Variants in YTHDF3 observed in about 807,000 individuals in gnomAD.
YTHDF3 encodes YTH domain-containing family protein 3.
A neutral mutation model predicts 52.5 loss-of-function variants in YTHDF3; 9 were observed. That is an observed-to-expected ratio of 0.17 (90% CI 0.10 to 0.30). The LOEUF is 0.30. Among genes scored for constraint, YTHDF3 ranks in the 10% least tolerant of loss-of-function variants. The pLI is 1.00. For missense variants in YTHDF3, 534 were observed against 715.0 expected, an observed-to-expected ratio of 0.75 and a Z score of 2.89; for synonymous variants, 274 against 243.3, an observed-to-expected ratio of 1.13 and a Z score of -1.18.
At chr8:63,172,413 G>A (rs1807390075) in intron 2 of YTHDF3, among the ~76,000 whole-genome samples, 1 of 152,104 alleles carries the variant, frequency 6.6e-6, no homozygotes, top group Admixed American at 6.5e-5. Context: ...AGAGACGTAT[G>A]CATTGTTTTA....
intron 4 of YTHDF3, among the ~76,000 whole-genome samples, 191 bp downstream of exon 4, chr8:63,187,936 AC>A (rs1436631676): frequency 1.3e-5 from 2 of 152,158 alleles, no homozygotes; most frequent in African/African-American, 4.8e-5. Context: ...AGGGTAACTC[AC>A]GCTGAGTTAG....
chr8:63,198,923 TG>T (rs1332279717), intron 4 of YTHDF3, among the ~76,000 whole-genome samples: 3 of 152,202 alleles, frequency 2.0e-5, no homozygotes, highest in Non-Finnish European at 2.9e-5. Context: ...GGGCCCAGTA[TG>T]TAACACATTT....
intron 3 of YTHDF3, among the ~76,000 whole-genome samples, chr8:63,179,877 C>G (rs62510127): frequency 2.2e-5 from 3 of 136,640 alleles, no homozygotes; most frequent in Admixed American, 7.1e-5. Flanking sequence ...CCGGATGGGG[C>G]GGCCGGCCAG....
chr8:63,194,152 A>G (rs1445220325), intron 4 of YTHDF3, among the ~76,000 whole-genome samples: 2 of 152,186 alleles, frequency 1.3e-5, no homozygotes, highest in Non-Finnish European at 2.9e-5. Flanking sequence ...AAGTATTGGT[A>G]ACTATACTTT....
intron 4 of YTHDF3, among the ~76,000 whole-genome samples, chr8:63,191,471 A>C (rs559773597): frequency 3.0e-4 from 46 of 152,118 alleles, no homozygotes; most frequent in Non-Finnish European, 5.3e-4. Context: ...TCCCCCTCTT[A>C]ACTCTGTTTT....
chr8:63,169,012 C>A (rs1477831382), intron 1 of YTHDF3, 111 bp downstream of exon 1: 2 of 1,476,368 alleles, frequency 1.4e-6, no homozygotes, highest in Non-Finnish European at 1.8e-6. Context: ...CATAACGGTG[C>A]CCCGGGCGCA....
At chr8:63,171,452 G>A (rs1220729696) in intron 2 of YTHDF3, among the ~76,000 whole-genome samples, 9 of 152,112 alleles carry the variant, frequency 5.9e-5, no homozygotes. Context: ...GCCTTGGCAG[G>A]AGGGGAAAAA....
chr8:63,175,405 CAGACA>C lies in YTHDF3; in HGVS notation c.126_130del (p.Thr43SerfsTer3). ...TGATTTTGAGCCATACTTAAGTAGC[CAGACA>C]AATCAGGTAAGTCTTCTGACAGTTT... On this transcript the variant is annotated frameshift_variant, in exon 3 of 5. Coordinates refer to ENST00000539294, the MANE Select transcript of YTHDF3 (RefSeq NM_152758.6). LOFTEE classifies it high-confidence loss of function. 6.2e-7 allele frequency: 1 copy of C among 1,610,842 alleles called. No homozygotes were observed. The highest frequency in any genetic ancestry group is 8.5e-7 in the Non-Finnish European group (1 of 1,178,088).
At chr8:63,184,669 CAA>C (rs1469799283) in intron 3 of YTHDF3, among the ~76,000 whole-genome samples, 5 of 152,158 alleles carry the variant, frequency 3.3e-5, no homozygotes, top group African/African-American at 9.7e-5. Context: ...GAAATAGTGA[CAA>C]GAGTGAAATA....
intron 4 of YTHDF3, among the ~76,000 whole-genome samples, chr8:63,201,127 A>G (rs1809613348): frequency 6.6e-6 from 1 of 152,366 alleles, no homozygotes; most frequent in South Asian, 2.1e-4. Context: ...AGGAAGTTAC[A>G]TACAAATTAG....
chr8:63,204,522 G>A (rs1809867409), intron 4 of YTHDF3, among the ~76,000 whole-genome samples: 1 of 151,858 alleles, frequency 6.6e-6, no homozygotes. Context: ...CCGCCACACC[G>A]AGCTAATTTT....
At position 63,212,654 on chromosome 8, in the gene YTHDF3, A is replaced by G. The variant is rs1468337670; in HGVS notation, c.*2948A>G. On this transcript the variant is annotated 3_prime_UTR_variant, in exon 5 of 5. Transcript: ENST00000539294. ...CTTGTAGCAATTACATGAGAATTTGAATTTTGTCGTGTTTGGGTTTGTTCA... is the reference window on the plus strand; with the variant it reads ...CTTGTAGCAATTACATGAGAATTTGGATTTTGTCGTGTTTGGGTTTGTTCA... 6.6e-6 allele frequency: 1 copy of G among 152,560 alleles called. No individual in the cohort carries two copies. The highest frequency in any genetic ancestry group is 1.5e-5 in the Non-Finnish European group (1 of 68,022). The allele number at this position is 152,560 out of a possible 1,614,324, so 9.5% of individuals were successfully genotyped here. A position where few individuals can be genotyped will look rare whatever the true frequency, so the allele number is the denominator to read the frequency against.
At position 63,186,728 on chromosome 8, in the gene YTHDF3, T is replaced by G; in HGVS notation, c.717T>G (p.Ala239=). The G allele has an allele frequency of 1.2e-6, 2 of 1,613,988 alleles. No individual in the cohort carries two copies. The highest frequency in any genetic ancestry group is 1.1e-5 in the South Asian group (1 of 91,076). The change falls in exon 4 of 5, where the codon GCT becomes GCG. Residue 239 remains alanine, a synonymous_variant. Coordinates refer to ENST00000539294, the MANE Select transcript of YTHDF3 (RefSeq NM_152758.6). ...SSAAPKPTSW[A]AIARKPAKPQ... is the part of the protein sequence containing the mutation. ...CAGCACCTAAACCAACCTCCTGGGCTGCCATTGCCAGAAAGCCTGCCAAAC... is the reference window on the plus strand; with the variant it reads ...CAGCACCTAAACCAACCTCCTGGGCGGCCATTGCCAGAAAGCCTGCCAAAC...
chr8:63,176,103 G>C (rs183304231), intron 3 of YTHDF3, among the ~76,000 whole-genome samples: 1 of 152,114 alleles, frequency 6.6e-6, no homozygotes, highest in Non-Finnish European at 1.5e-5. Flanking sequence ...TGCCATTTCT[G>C]CATCCATTTC....
intron 4 of YTHDF3, among the ~76,000 whole-genome samples, chr8:63,192,787 T>A (rs920527895): frequency 5.3e-5 from 8 of 152,026 alleles, no homozygotes; most frequent in African/African-American, 1.9e-4. Context: ...TTAGTGGTAT[T>A]TTACTAGGAT....
Position 63,209,792 on chromosome 8 carries a change from C to T in YTHDF3, c.*86C>T, listed in dbSNP as rs1810273648. Reference sequence around the variant, plus strand: ...ATAAGTCAAAGAAGACGTATTAAAGCTCTTTTCTGCTTAAGGTGACATCTT... The same window carrying T: ...ATAAGTCAAAGAAGACGTATTAAAGTTCTTTTCTGCTTAAGGTGACATCTT... On this transcript the variant is annotated 3_prime_UTR_variant, in exon 5 of 5. Coordinates refer to ENST00000539294, the MANE Select transcript of YTHDF3 (RefSeq NM_152758.6). 1.5e-6 allele frequency: 2 copies of T among 1,326,834 alleles called. No individual in the cohort carries two copies. Among genetic ancestry groups the T allele is most frequent in the East Asian group, 4.9e-5 (2 of 40,776 alleles). 82.2% of individuals were successfully genotyped at this position (1,326,834 alleles called of 1,614,324 possible).
chr8:63,188,702 T>TATATATATATATATATA (rs71255383), intron 4 of YTHDF3: 5 of 44,772 alleles, frequency 1.1e-4, no homozygotes, highest in African/African-American at 3.3e-4. Context: ...TATATATATA[T>TATATATATATATATATA]TTTTTTTTTT....
chr8:63,174,180 T>G (rs1807534672), intron 2 of YTHDF3, among the ~76,000 whole-genome samples: 1 of 152,250 alleles, frequency 6.6e-6, no homozygotes, highest in South Asian at 2.1e-4. Context: ...GTTGTACCTT[T>G]GAGCAGTAAA....
intron 4 of YTHDF3, among the ~76,000 whole-genome samples, chr8:63,188,549 G>C (rs1475108526): frequency 6.7e-6 from 1 of 148,694 alleles, no homozygotes. Flanking sequence ...CTGGTCTCCT[G>C]AGCTCAAAGG....
Sources: gnomAD v4.1 joint callset for allele counts (sites outside exome capture counted in the v4.1 genomes callset) on GRCh38, gnomAD v4.1.1 for gene constraint, MANE v1.5 for transcripts, NCBI Gene and HGNC (gene_info 2026-07-23, HGNC 2026-07-21) for gene names.